ANO4: variants seen among roughly 807,000 people sequenced by gnomAD.
The protein encoded by ANO4 is anoctamin 4, also known as anoctamin-4.
ANO4 carries 69 observed loss-of-function variants against 141.9 expected under a neutral mutation model. The ratio of observed to expected loss-of-function variants is 0.49; its 90% CI spans 0.40 to 0.59. The LOEUF (loss-of-function observed/expected upper bound fraction) is 0.59. Among genes scored for constraint, ANO4 ranks in the 20% least tolerant of loss-of-function variants. The probability of loss-of-function intolerance (pLI) is 0.00; values close to 1 mark genes in which losing one functional copy is unlikely to be tolerated. For missense variants in ANO4, 894 were observed against 1,162.2 expected (o/e 0.77, Z 3.36); for synonymous variants, 350 against 394.3 (o/e 0.89, Z 1.33).
intron 2 of ANO4, among the ~76,000 whole-genome samples, chr12:100,919,732 G>GTC (rs2041533298): frequency 6.2e-5 from 7 of 112,072 alleles, no homozygotes; most frequent in South Asian, 3.1e-4. Context: ...ATGTGTGTAT[G>GTC]TATGTATCTA....
chr12:100,889,880 A>C (rs2040020189), intron 1 of ANO4, among the ~76,000 whole-genome samples: 1 of 152,220 alleles, frequency 6.6e-6, no homozygotes, highest in South Asian at 2.1e-4. Context: ...TGAATAAATA[A>C]ATGGAAGAAT....
intron 1 of ANO4, among the ~76,000 whole-genome samples, chr12:100,851,304 TAA>T (rs1337242096): frequency 6.6e-6 from 1 of 152,208 alleles, no homozygotes; most frequent in Non-Finnish European, 1.5e-5. Flanking sequence ...TAGAGTATTT[TAA>T]AAGTTTGTTA....
intron 1 of ANO4, among the ~76,000 whole-genome samples, chr12:100,817,229 G>T (rs1253254367): frequency 6.6e-6 from 1 of 151,922 alleles, no homozygotes; most frequent in South Asian, 2.1e-4. Flanking sequence ...GGGTATACTT[G>T]TAAAACTTGC....
intron 14 of ANO4, among the ~76,000 whole-genome samples, chr12:101,064,622 A>G (rs1256028708): frequency 1.3e-5 from 2 of 151,412 alleles, no homozygotes; most frequent in African/African-American, 4.9e-5. Context: ...CTGTGTAACA[A>G]ACCTGCACAT....
intron 2 of ANO4, among the ~76,000 whole-genome samples, chr12:100,919,275 T>A (rs910852192): frequency 1.3e-5 from 2 of 152,168 alleles, no homozygotes; most frequent in African/African-American, 4.8e-5. Context: ...TCTACCAATG[T>A]GCAATAGTAT....
chr12:100,898,977 A>C (rs2040467067), intron 1 of ANO4, among the ~76,000 whole-genome samples: 2 of 152,202 alleles, frequency 1.3e-5, no homozygotes, highest in Non-Finnish European at 2.9e-5. Flanking sequence ...AACATGCACC[A>C]GTGGCACAGA....
At chr12:100,719,571 A>G (rs562044053) in intron 1 of ANO4, among the ~76,000 whole-genome samples, 1 of 151,348 alleles carries the variant, frequency 6.6e-6, no homozygotes, top group African/African-American at 2.4e-5. Flanking sequence ...TTTTGCCTGG[A>G]ATTTATAGGG....
At chr12:101,125,086 T>G (rs116771169) in intron 26 of ANO4, among the ~76,000 whole-genome samples, 7,815 of 152,264 alleles carry the variant, frequency 0.051, 641 homozygotes, top group African/African-American at 0.17. Context: ...ACAATATTGA[T>G]TCTTTCTATC....
At chr12:100,909,131 C>T (rs2040983464) in intron 2 of ANO4, among the ~76,000 whole-genome samples, 1 of 152,054 alleles carries the variant, frequency 6.6e-6, no homozygotes, top group African/African-American at 2.4e-5. Context: ...GGATGGAAAA[C>T]CTAAAGAGCC....
intron 1 of ANO4, chr12:100,733,638 C>G (rs2031482132): frequency 3.6e-6 from 2 of 560,390 alleles, no homozygotes; most frequent in South Asian, 2.3e-5. Flanking sequence ...GATGGGTGAA[C>G]CACTGAATGA....
rs541451874 is a variant in ANO4 at position 100,967,846 on chromosome 12, C to A, written c.457-3460C>A. 2.6e-4 allele frequency among the ~76,000 whole-genome samples: 40 copies of A among 152,206 alleles called. 1 individual carries two copies. The South Asian group carries it at 8.3e-3, about 32-fold the overall frequency. ...CAATTCAGTCTATGCATCTTAAATG[C>A]ATTTGCAAAGCCATGGATTTATTTA... On this transcript the variant is annotated intron_variant, in intron 5 of 27. Transcript: ENST00000392977.
chr12:101,009,475 T>C (rs2045994025), intron 8 of ANO4, among the ~76,000 whole-genome samples: 1 of 152,158 alleles, frequency 6.6e-6, no homozygotes, highest in South Asian at 2.1e-4. Context: ...ATAGTTGGGC[T>C]AGGTATAGAA....
At chr12:100,834,557 T>G (rs568327571) in intron 1 of ANO4, among the ~76,000 whole-genome samples, 1 of 152,256 alleles carries the variant, frequency 6.6e-6, no homozygotes, top group South Asian at 2.1e-4. Flanking sequence ...TTAATATACA[T>G]GTACCAACAT....
At chr12:100,988,872 G>GAAAAAAAAAAAAAAAAA (rs748666892) in intron 8 of ANO4, among the ~76,000 whole-genome samples, 3 of 65,040 alleles carry the variant, frequency 4.6e-5, no homozygotes, top group African/African-American at 6.5e-5. Flanking sequence ...CTCTGTCTCA[G>GAAAAAAAAAAAAAAAAA]AAAAAAAAAA....
At chr12:100,858,871 A>G (rs1227084190) in intron 1 of ANO4, among the ~76,000 whole-genome samples, 2 of 152,078 alleles carry the variant, frequency 1.3e-5, no homozygotes, top group African/African-American at 4.8e-5. Context: ...TGACTCAAAC[A>G]TATATTGGAA....
intron 15 of ANO4, among the ~76,000 whole-genome samples, 155 bp from the exon 16 acceptor site, chr12:101,083,523 A>C (rs1319319158): frequency 2.0e-5 from 3 of 152,220 alleles, no homozygotes; most frequent in Admixed American, 6.5e-5. Context: ...GCCAATTTTC[A>C]AACATTTAAG....
At chr12:101,080,323 C>G (rs2049195915) in intron 15 of ANO4, among the ~76,000 whole-genome samples, 1 of 152,000 alleles carries the variant, frequency 6.6e-6, no homozygotes, top group African/African-American at 2.4e-5. Context: ...TGCCTGTTCC[C>G]CTTCTCCCAT....
At chr12:100,876,406 C>A (rs1275254705) in intron 1 of ANO4, among the ~76,000 whole-genome samples, 2 of 151,994 alleles carry the variant, frequency 1.3e-5, no homozygotes, top group Non-Finnish European at 2.9e-5. Flanking sequence ...AAGAGGAGAG[C>A]TGCCTATGGC....
intron 1 of ANO4, among the ~76,000 whole-genome samples, chr12:100,896,645 A>T (rs2040368125): frequency 6.6e-6 from 1 of 152,170 alleles, no homozygotes; most frequent in Non-Finnish European, 1.5e-5. Flanking sequence ...GGGCTTTGGG[A>T]ACTAATATAC....
Sources: gnomAD v4.1 joint callset for allele counts (sites outside exome capture counted in the v4.1 genomes callset) on GRCh38, gnomAD v4.1.1 for gene constraint, MANE v1.5 for transcripts, NCBI Gene and HGNC (gene_info 2026-07-23, HGNC 2026-07-21) for gene names.